The following NRXN1 variants were observed in gnomAD, a reference collection of about 807,000 sequenced individuals.
The protein encoded by NRXN1 is neurexin 1.
Under a neutral mutation model 150.9 loss-of-function variants are expected in NRXN1, and 39 were observed. The ratio of observed to expected loss-of-function variants is 0.26; its 90% CI spans 0.20 to 0.34. NRXN1 has a LOEUF of 0.34. NRXN1 is among the 10% of genes least tolerant of loss of function. The pLI is 1.00. For missense variants in NRXN1, 1,815 were observed against 1,949.9 expected (o/e 0.93, Z 1.30); for synonymous variants, 924 against 757.0 (o/e 1.22, Z -3.62).
intron 8 of NRXN1, among the ~76,000 whole-genome samples, chr2:50,561,073 C>G (rs758127478): frequency 1.3e-5 from 2 of 152,070 alleles, no homozygotes; most frequent in Admixed American, 6.5e-5. Context: ...CCAAATATAT[C>G]CCATTAATCA....
In NRXN1 at chr2:50,600,401, T is replaced by G. The variant is rs562300167; in HGVS notation, c.1320+19621A>C. On this transcript the variant is annotated intron_variant, in intron 8 of 22. Transcript: ENST00000401669. ...GTGCAGTGGTGCCATCTTGGCTCAC[T>G]GCAACCTCCACCTCCCGGGTTCAAG... Among the ~76,000 whole-genome samples, 5 of 147,778 alleles carry G rather than the reference T, an allele frequency of 3.4e-5. No individual in the cohort carries two copies. In the South Asian group the frequency reaches 6.8e-4, roughly 20 times the overall value.
At chr2:50,316,492 C>T (rs2075617884) in intron 17 of NRXN1, among the ~76,000 whole-genome samples, 1 of 151,996 alleles carries the variant, frequency 6.6e-6, no homozygotes, top group Admixed American at 6.6e-5. Context: ...TAGCCATTTG[C>T]ACAATAAGAA....
At chr2:50,372,457 A>T (rs2080098949) in intron 17 of NRXN1, among the ~76,000 whole-genome samples, 1 of 152,096 alleles carries the variant, frequency 6.6e-6, no homozygotes. Flanking sequence ...TTTAATAGTC[A>T]TGAGGTTCAC....
intron 18 of NRXN1, among the ~76,000 whole-genome samples, chr2:50,108,694 T>C (rs1701990460): frequency 6.6e-6 from 1 of 152,126 alleles, no homozygotes; most frequent in South Asian, 2.1e-4. Context: ...ATCCGTTGCA[T>C]GATAAAACTA....
chr2:50,250,537 C>T (rs2066940756), intron 17 of NRXN1, among the ~76,000 whole-genome samples: 1 of 151,866 alleles, frequency 6.6e-6, no homozygotes, highest in African/African-American at 2.4e-5. Flanking sequence ...GCACAAATCA[C>T]ATAGTAGAAA....
chr2:50,315,345 G>C (rs1372645118), intron 17 of NRXN1, among the ~76,000 whole-genome samples: 1 of 152,088 alleles, frequency 6.6e-6, no homozygotes, highest in African/African-American at 2.4e-5. Flanking sequence ...GGTGACTAAA[G>C]AAGGGAGACA....
chr2:50,473,060 T>C lies in NRXN1; in HGVS notation c.3071-589A>G, dbSNP rs557154602. On this transcript the variant is annotated intron_variant, in intron 15 of 22. Transcript: ENST00000401669. ...TTCATCAGAAGTTCAGTAAATTTCT[T>C]CTTGTATCTAAAGTCACTTCTATAC... Among the ~76,000 whole-genome samples, 11 of 152,004 alleles carry C rather than the reference T, an allele frequency of 7.2e-5. No homozygotes were observed. In the South Asian group the frequency reaches 2.3e-3, roughly 31 times the overall value.
intron 17 of NRXN1, among the ~76,000 whole-genome samples, chr2:50,344,667 G>A (rs1044020566): frequency 6.6e-6 from 1 of 152,068 alleles, no homozygotes; most frequent in Non-Finnish European, 1.5e-5. Flanking sequence ...GTTTGTAAAG[G>A]CCAGCAGACG....
At chr2:50,939,142 C>G (rs1432673345) in intron 2 of NRXN1, among the ~76,000 whole-genome samples, 2 of 133,990 alleles carry the variant, frequency 1.5e-5, no homozygotes, top group African/African-American at 5.7e-5. Context: ...ACCTGGGAGG[C>G]AGAGCTTGCA....
chr2:50,278,214 C>T (rs1215948975), intron 17 of NRXN1, among the ~76,000 whole-genome samples: 1 of 85,328 alleles, frequency 1.2e-5, no homozygotes, highest in African/African-American at 4.1e-5. Context: ...CACCACCCAC[C>T]ACCACACCTG....
At chr2:49,999,946 G>T (rs1170704694) in intron 21 of NRXN1, among the ~76,000 whole-genome samples, 5 of 152,112 alleles carry the variant, frequency 3.3e-5, no homozygotes, top group African/African-American at 1.2e-4. Flanking sequence ...ATGAAGCTGT[G>T]GAAGAAGATT....
intron 17 of NRXN1, among the ~76,000 whole-genome samples, chr2:50,241,758 C>T (rs1413591053): frequency 3.3e-5 from 5 of 151,772 alleles, no homozygotes; most frequent in Admixed American, 2.6e-4. Flanking sequence ...ATTGAACATG[C>T]TATTTACATA....
chr2:50,506,460 A>C, intron 13 of NRXN1, 35 bp downstream of exon 13: 2 of 1,585,278 alleles, frequency 1.3e-6, no homozygotes, highest in Non-Finnish European at 1.7e-6. Context: ...CAAAAGCGTT[A>C]GCATAGGAAA....
chr2:50,334,655 T>C (rs1414674192), intron 17 of NRXN1, among the ~76,000 whole-genome samples: 1 of 152,154 alleles, frequency 6.6e-6, no homozygotes, highest in Admixed American at 6.5e-5. Context: ...TGTATGAATA[T>C]GTGAGGTGGG....
At chr2:50,324,270 T>G (rs1014299209) in intron 17 of NRXN1, among the ~76,000 whole-genome samples, 1 of 152,132 alleles carries the variant, frequency 6.6e-6, no homozygotes, top group Non-Finnish European at 1.5e-5. Context: ...AAATCAGCAG[T>G]TAGGCAACCG....
At chr2:50,582,929 G>A (rs1672517698) in intron 8 of NRXN1, among the ~76,000 whole-genome samples, 1 of 151,922 alleles carries the variant, frequency 6.6e-6, no homozygotes, top group Non-Finnish European at 1.5e-5. Context: ...CAGTACACTT[G>A]GGTTATTTCC....
intron 18 of NRXN1, among the ~76,000 whole-genome samples, chr2:50,162,762 G>C (rs981960084): frequency 6.6e-6 from 1 of 151,908 alleles, no homozygotes; most frequent in African/African-American, 2.4e-5. Context: ...TCATGGTATT[G>C]ACAAACCTTA....
At chr2:50,713,526 T>C (rs980053277) in intron 5 of NRXN1, among the ~76,000 whole-genome samples, 1 of 152,094 alleles carries the variant, frequency 6.6e-6, no homozygotes, top group South Asian at 2.1e-4. Context: ...TATGGCTGAC[T>C]GACTGGACCC....
chr2:50,922,961 A>G (rs1686291392), intron 3 of NRXN1, among the ~76,000 whole-genome samples: 1 of 151,874 alleles, frequency 6.6e-6, no homozygotes, highest in Admixed American at 6.6e-5. Context: ...AGCATGACTT[A>G]AAATCCAACC....
Sources: gnomAD v4.1 joint callset for allele counts (sites outside exome capture counted in the v4.1 genomes callset) on GRCh38, gnomAD v4.1.1 for gene constraint, MANE v1.5 for transcripts, NCBI Gene and HGNC (gene_info 2026-07-23, HGNC 2026-07-21) for gene names.